NPAT: variants seen among roughly 807,000 people sequenced by gnomAD.
The protein encoded by NPAT is nuclear protein, coactivator of histone transcription.
A neutral mutation model predicts 130.7 loss-of-function variants in NPAT; 52 were observed. That is an observed-to-expected ratio of 0.40 (90% confidence interval 0.32 to 0.50). The LOEUF (loss-of-function observed/expected upper bound fraction) is 0.50, where lower values mean the gene tolerates loss of function less well. Ranked by LOEUF, NPAT falls within the 20% of genes least tolerant of loss-of-function variation. The probability of loss-of-function intolerance (pLI) is 0.68; values close to 1 mark genes in which losing one functional copy is unlikely to be tolerated. For synonymous variants in NPAT, 580 were observed against 584.8 expected (o/e 0.99, Z 0.12); for missense variants, 1,687 against 1,662.6 (o/e 1.01, Z -0.26).
At chr11:108,184,840 T>C (rs1002382574) in intron 10 of NPAT, among the ~76,000 whole-genome samples, 1 of 152,204 alleles carries the variant, frequency 6.6e-6, no homozygotes, top group Non-Finnish European at 1.5e-5. Context: ...CCCCATTACA[T>C]ATCTTTATTG....
chr11:108,161,073 A>C lies in NPAT; in HGVS notation c.4013T>G (p.Leu1338Arg). 6.8e-6 allele frequency: 11 copies of C among 1,614,070 alleles called. No individual in the cohort carries two copies. Among genetic ancestry groups the C allele is most frequent in the Non-Finnish European group, 9.3e-6 (11 of 1,180,002 alleles). The change falls in exon 17 of 18, where the codon CTC (leucine) becomes CGC (arginine). Residue 1338 changes from leucine to arginine, a missense_variant. Physicochemically the swap from Leu to Arg is moderately radical, Grantham distance 102 (BLOSUM62 -2). Around this residue, in one of 3 missense-constraint regions of NPAT, gnomAD observed 1,379 missense variants for 1,346.6 expected, o/e 1.02. Transcript: ENST00000278612. ...AGTCCTAGAAATGGCTGCCCTGGAG[A>C]GAATCATTAATGTGTGGGCAGCCAT... ...VNMAAHTLMI[L>R]SRAAISRTTS... is the part of the protein sequence containing the mutation.
In NPAT at chr11:108,207,520, G is replaced by C. The variant is rs537756754; in HGVS notation, c.38-10100C>G. 3.3e-5 allele frequency among the ~76,000 whole-genome samples: 5 copies of C among 152,236 alleles called. No homozygotes were observed. The South Asian group carries it at 1.0e-3, about 31-fold the overall frequency. ...GCCTCACCCTTGGCCTCCCTCATGT[G>C]CTCATCAGAGCTCAAAGTCCAGAGG... On this transcript the variant is annotated intron_variant, in intron 1 of 17. Coordinates refer to ENST00000278612, the MANE Select transcript of NPAT (RefSeq NM_002519.3).
chr11:108,196,367 G>A (rs1418193834), intron 2 of NPAT, among the ~76,000 whole-genome samples: 1 of 152,206 alleles, frequency 6.6e-6, no homozygotes, highest in Non-Finnish European at 1.5e-5. Context: ...AAGTCTTGAA[G>A]TCTGGTAATG....
At chr11:108,178,946 G>T (rs2078034398) in intron 10 of NPAT, among the ~76,000 whole-genome samples, 1 of 152,056 alleles carries the variant, frequency 6.6e-6, no homozygotes, top group South Asian at 2.1e-4. Flanking sequence ...AACAAATTTG[G>T]AGATCTCACA....
chr11:108,205,136 G>T (rs2078313383), intron 1 of NPAT, among the ~76,000 whole-genome samples: 1 of 152,206 alleles, frequency 6.6e-6, no homozygotes, highest in African/African-American at 2.4e-5. Context: ...GGGTTTCTCA[G>T]TAAGACTGAC....
chr11:108,161,790 T>C lies in NPAT; in HGVS notation c.3296A>G (p.Asp1099Gly). 1 of 1,613,936 alleles carries C rather than the reference T, an allele frequency of 6.2e-7. No homozygotes were observed. Among genetic ancestry groups the C allele is most frequent in the East Asian group, 2.2e-5 (1 of 44,880 alleles). ...TAAGGTGGAGGACACATTGGGTGAGTCAAGATTAGGAAAAGAGACTGCATT... is the reference window on the plus strand; with the variant it reads ...TAAGGTGGAGGACACATTGGGTGAGCCAAGATTAGGAAAAGAGACTGCATT... ...ERNAVSFPNL[D>G]SPNVSSTLKP... Residue 1099 changes from aspartate to glycine, a missense_variant, in exon 17 of 18, where the codon GAC becomes GGC. By Grantham distance (94) the Asp-to-Gly change is moderately conservative. This residue lies in a region of NPAT where 1,379 missense variants were observed against 1,346.6 expected (regional missense o/e 1.02). Transcript: ENST00000278612.
intron 1 of NPAT, among the ~76,000 whole-genome samples, chr11:108,211,679 G>A (rs1418143824): frequency 6.6e-6 from 1 of 152,186 alleles, no homozygotes; most frequent in Admixed American, 6.5e-5. Flanking sequence ...ATAAATCAGT[G>A]TAATATACTA....
chr11:108,189,087 GAAC>G lies in NPAT; in HGVS notation c.556+16_556+18del, dbSNP rs1329467169. Reference sequence around the variant, plus strand: ...ATTTGATTAACAACAAAATTTAAGAGAACAAAATGTAAACTTACTGGTTACAGT... The same window carrying G: ...ATTTGATTAACAACAAAATTTAAGAGAAAATGTAAACTTACTGGTTACAGT... On this transcript the variant is annotated intron_variant, in intron 6 of 17. Transcript: ENST00000278612. 1 of 1,586,702 alleles carries G rather than the reference GAAC, an allele frequency of 6.3e-7. No homozygotes were observed. Among genetic ancestry groups the G allele is most frequent in the African/African-American group, 1.3e-5 (1 of 74,338 alleles).
chr11:108,212,723 T>C (rs1442121951), intron 1 of NPAT, among the ~76,000 whole-genome samples: 5 of 151,584 alleles, frequency 3.3e-5, no homozygotes, highest in Non-Finnish European at 5.9e-5. Flanking sequence ...GGCAGGCAGA[T>C]TGCCTGAGGT....
rs552591443 is a variant in NPAT, at chr11:108,172,608, T to C, written c.2376A>G (p.Ser792=). ...KNAELVKCLS[S]EETVGAVVYA... ...ATACAACAGCACCTACAGTTTCTTC[T>C]GAAGATAGGCATTTAACTAGTTCTG... The change falls in exon 13 of 18, where the codon TCA becomes TCG. Residue 792 remains serine (S), a synonymous_variant. Coordinates refer to ENST00000278612, the MANE Select transcript of NPAT (RefSeq NM_002519.3). 1.2e-5 allele frequency: 19 copies of C among 1,614,104 alleles called. No individual in the cohort carries two copies. The highest frequency in any genetic ancestry group is 1.6e-5 in the Non-Finnish European group (19 of 1,180,040).
chr11:108,182,623 G>C (rs1180750734), intron 10 of NPAT, among the ~76,000 whole-genome samples: 2 of 152,240 alleles, frequency 1.3e-5, no homozygotes, highest in Admixed American at 1.3e-4. Flanking sequence ...TCAGCCTTCT[G>C]TGTAGCTGGG....
intron 17 of NPAT, among the ~76,000 whole-genome samples, chr11:108,160,008 G>C (rs1330537692): frequency 6.6e-6 from 1 of 152,016 alleles, no homozygotes; most frequent in Non-Finnish European, 1.5e-5. Flanking sequence ...AAAATTAGCT[G>C]GGTGTGGTGG....
At chr11:108,212,629 AAAC>A (rs544637765) in intron 1 of NPAT, among the ~76,000 whole-genome samples, 4 of 151,712 alleles carry the variant, frequency 2.6e-5, no homozygotes, top group African/African-American at 4.8e-5. Flanking sequence ...AAGCCATAAA[AAAC>A]AACAACAACA....
At chr11:108,211,172 C>T (rs540792033) in intron 1 of NPAT, among the ~76,000 whole-genome samples, 8 of 151,546 alleles carry the variant, frequency 5.3e-5, no homozygotes, top group South Asian at 4.2e-4. Context: ...GCCGAGATCG[C>T]GCCACTGCAT....
intron 15 of NPAT, among the ~76,000 whole-genome samples, chr11:108,168,774 T>C (rs953796924): frequency 6.6e-6 from 1 of 152,114 alleles, no homozygotes; most frequent in South Asian, 2.1e-4. Flanking sequence ...GTAGAAGAGA[T>C]AGCATTGGTA....
chr11:108,196,899 C>G (rs1349658376), intron 2 of NPAT, among the ~76,000 whole-genome samples: 1 of 152,072 alleles, frequency 6.6e-6, no homozygotes, highest in African/African-American at 2.4e-5. Context: ...TGGAAGGTAT[C>G]CACTATGTAC....
chr11:108,203,673 T>C (rs2078296487), intron 1 of NPAT, among the ~76,000 whole-genome samples: 1 of 152,204 alleles, frequency 6.6e-6, no homozygotes, highest in South Asian at 2.1e-4. Flanking sequence ...CAAGGCATCT[T>C]TGCCAAGGAC....
At position 108,195,339 on chromosome 11, in the gene NPAT, A is replaced by G. The variant is rs920274601; in HGVS notation, c.157-1322T>C. 5.3e-5 allele frequency among the ~76,000 whole-genome samples: 8 copies of G among 152,206 alleles called. 1 individual carries two copies. The highest frequency in any genetic ancestry group is 1.3e-4 in the Admixed American group (2 of 15,280). ...GAAACAAGAGTTCCTGCTGCTCTGCATATTTGTGGTGAAGGACTTGCCAGT... is the reference window on the plus strand; with the variant it reads ...GAAACAAGAGTTCCTGCTGCTCTGCGTATTTGTGGTGAAGGACTTGCCAGT... On this transcript the variant is annotated intron_variant, in intron 2 of 17. Coordinates refer to ENST00000278612, the MANE Select transcript of NPAT (RefSeq NM_002519.3).
chr11:108,176,887 CA>C, intron 11 of NPAT, 106 bp downstream of exon 11: 1 of 712,978 alleles, frequency 1.4e-6, no homozygotes, highest in Non-Finnish European at 2.5e-6. Context: ...GAAATGAAAA[CA>C]AGAACTTTTT....
Sources: gnomAD v4.1 joint callset for allele counts (sites outside exome capture counted in the v4.1 genomes callset) on GRCh38, gnomAD v4.1.1 for gene constraint, gnomAD v4.1.1 regional missense constraint, MANE v1.5 for transcripts, NCBI Gene and HGNC (gene_info 2026-07-23, HGNC 2026-07-21) for gene names.